Variants in MARCO observed in about 807,000 individuals in gnomAD.
MARCO encodes the protein macrophage receptor MARCO.
In MARCO, 72 loss-of-function variants were observed where a neutral mutation model predicts 70.0. That is an observed-to-expected ratio of 1.03 (90% CI 0.85 to 1.25). The LOEUF is 1.25. Ranked by LOEUF, MARCO falls within the 50% of genes most tolerant of loss-of-function variation. The pLI is 0.00. For synonymous variants in MARCO, 273 were observed against 243.1 expected (o/e 1.12, Z -1.14); for missense variants, 696 against 659.3 (o/e 1.06, Z -0.61).
intron 1 of MARCO, among the ~76,000 whole-genome samples, chr2:118,944,534 T>A (rs1331443498): frequency 6.6e-6 from 1 of 152,196 alleles, no homozygotes; most frequent in East Asian, 1.9e-4. Flanking sequence ...AATTCCCACA[T>A]ATGGTTCATG....
chr2:118,975,820 C>T (rs1680271808), intron 6 of MARCO, among the ~76,000 whole-genome samples: 1 of 152,192 alleles, frequency 6.6e-6, no homozygotes, highest in Non-Finnish European at 1.5e-5. Flanking sequence ...GAGCACACAT[C>T]TATGTACATA....
chr2:118,948,801 ATGTTTGTTTGTT>A (rs70949952), intron 1 of MARCO, among the ~76,000 whole-genome samples: 1 of 151,668 alleles, frequency 6.6e-6, no homozygotes, highest in Non-Finnish European at 1.5e-5. Flanking sequence ...AATTGAAGCT[ATGTTTGTTTGTT>A]TGTTTGTTTG....
intron 4 of MARCO, among the ~76,000 whole-genome samples, chr2:118,973,339 T>A (rs1014766511): frequency 6.6e-6 from 1 of 152,030 alleles, no homozygotes; most frequent in African/African-American, 2.4e-5. Flanking sequence ...AATCTCCAAC[T>A]CTCACTCTCC....
At chr2:118,982,869 T>C (rs927989316) in intron 12 of MARCO, among the ~76,000 whole-genome samples, 1 of 149,174 alleles carries the variant, frequency 6.7e-6, no homozygotes, top group Non-Finnish European at 1.5e-5. Flanking sequence ...GACTAGTTTA[T>C]ACCATAATGC....
intron 1 of MARCO, among the ~76,000 whole-genome samples, chr2:118,961,610 A>T (rs1286222444): frequency 6.6e-6 from 1 of 151,746 alleles, no homozygotes; most frequent in African/African-American, 2.4e-5. Context: ...GCAGATTCTG[A>T]ATATTAGACC....
At chr2:118,945,540 G>A (rs531495493) in intron 1 of MARCO, among the ~76,000 whole-genome samples, 1 of 151,604 alleles carries the variant, frequency 6.6e-6, no homozygotes, top group South Asian at 2.1e-4. Context: ...AGTCTCCCTA[G>A]TAGCTGGGAT....
At chr2:118,972,980 A>G (rs145861440) in intron 4 of MARCO, among the ~76,000 whole-genome samples, 3,575 of 152,234 alleles carry the variant, frequency 0.023, 66 homozygotes, top group Middle Eastern at 0.054. Flanking sequence ...ATGTGCGTAC[A>G]TAGAGGAAAA....
At chr2:118,960,586 CT>C (rs1319619287) in intron 1 of MARCO, among the ~76,000 whole-genome samples, 1 of 152,080 alleles carries the variant, frequency 6.6e-6, no homozygotes, top group Non-Finnish European at 1.5e-5. Flanking sequence ...CTTTAGCTTG[CT>C]GATCTGGTGG....
chr2:118,953,334 T>C (rs1679764114), intron 1 of MARCO, among the ~76,000 whole-genome samples: 1 of 152,226 alleles, frequency 6.6e-6, no homozygotes, highest in Non-Finnish European at 1.5e-5. Flanking sequence ...AACCATCATT[T>C]CCAACACACA....
At chr2:118,991,898 CT>C (rs1680629362) in intron 14 of MARCO, 23 bp downstream of exon 14, 2 of 1,526,666 alleles carry the variant, frequency 1.3e-6, no homozygotes, top group African/African-American at 1.4e-5. Flanking sequence ...CATCTGATTC[CT>C]TTGTTCTTAG....
intron 12 of MARCO, among the ~76,000 whole-genome samples, chr2:118,985,254 T>C (rs1323827180): frequency 3.9e-5 from 6 of 152,184 alleles, no homozygotes; most frequent in Admixed American, 3.9e-4. Context: ...ATCGGTTTTA[T>C]GGAAGAACGT....
chr2:118,949,653 G>C (rs1398719393), intron 1 of MARCO: 3 of 149,834 alleles, frequency 2.0e-5, no homozygotes, highest in South Asian at 2.1e-4. Flanking sequence ...GAAAAAGATA[G>C]ACTAAGCTTT....
chr2:118,951,863 C>G (rs1186222610), intron 1 of MARCO, among the ~76,000 whole-genome samples: 1 of 151,962 alleles, frequency 6.6e-6, no homozygotes, highest in Non-Finnish European at 1.5e-5. Context: ...CTTTCTCTCA[C>G]TCTCTGATTC....
Position 118,981,488 on chromosome 2 carries a change from C to T in MARCO, c.846C>T (p.Phe282=), listed in dbSNP as rs374580031. 93 of 1,599,396 alleles carry T rather than the reference C, an allele frequency of 5.8e-5. 1 individual carries two copies. The East Asian group carries it at 6.5e-4, about 11-fold the overall frequency. The change falls in exon 9 of 17, where the codon TTC becomes TTT. Residue 282 remains phenylalanine, a synonymous_variant. Coordinates refer to ENST00000327097, the MANE Select transcript of MARCO (RefSeq NM_006770.4). Reference sequence around the variant, plus strand: ...GAGCCCAGGGGAGTAAAGGTGACTTCGGGAGGCCAGGCCCACCAGGTAAGA... The same window carrying T: ...GAGCCCAGGGGAGTAAAGGTGACTTTGGGAGGCCAGGCCCACCAGGTAAGA... ...PPGAQGSKGD[F]GRPGPPGLAG... is the part of the protein sequence containing the mutation.
At chr2:118,957,009 GTT>G (rs766279814) in intron 1 of MARCO, among the ~76,000 whole-genome samples, 2 of 151,986 alleles carry the variant, frequency 1.3e-5, no homozygotes, top group Non-Finnish European at 2.9e-5. Flanking sequence ...TAAGAGGAAA[GTT>G]CATACTCCTA....
chr2:118,986,952 T>C (rs987477135), intron 12 of MARCO, among the ~76,000 whole-genome samples: 1 of 152,114 alleles, frequency 6.6e-6, no homozygotes, highest in Non-Finnish European at 1.5e-5. Flanking sequence ...TCCTTTTCTG[T>C]GGCGTGCAAG....
chr2:118,948,899 G>T (rs1679658228), intron 1 of MARCO, among the ~76,000 whole-genome samples: 1 of 152,140 alleles, frequency 6.6e-6, no homozygotes, highest in Non-Finnish European at 1.5e-5. Context: ...CAATTATTTG[G>T]CAGAGTGTCC....
rs559717651 is a variant in MARCO, at chr2:118,975,035, G to T, written c.613+470G>T. ...GGGGATGAGAGGGCTGCAGAGGGCT[G>T]CCAGGGGGATTAGAGACAATGACAC... is the stretch of plus-strand genomic sequence containing the variant. On this transcript the variant is annotated intron_variant, in intron 6 of 16. Transcript: ENST00000327097. 7.2e-5 allele frequency among the ~76,000 whole-genome samples: 11 copies of T among 152,328 alleles called. No individual in the cohort carries two copies. In the East Asian group the frequency reaches 1.5e-3, roughly 21 times the overall value.
chr2:118,947,803 G>A (rs1346418035), intron 1 of MARCO, among the ~76,000 whole-genome samples: 1 of 152,160 alleles, frequency 6.6e-6, no homozygotes, highest in South Asian at 2.1e-4. Flanking sequence ...TTTCAAAACT[G>A]CTTTAGCTAT....
Sources: allele counts gnomAD v4.1 joint callset (sites outside exome capture counted in the v4.1 genomes callset), GRCh38; gene constraint gnomAD v4.1.1; transcripts MANE v1.5; gene names NCBI Gene and HGNC (gene_info 2026-07-23, HGNC 2026-07-21).